Variants in RORA observed in about 807,000 individuals in gnomAD.
The protein encoded by RORA is nuclear receptor ROR-alpha.
A neutral mutation model predicts 69.5 loss-of-function variants in RORA; 7 were observed. The observed-to-expected ratio is 0.10, with a 90% CI of 0.06 to 0.19. RORA has a LOEUF of 0.19. RORA is among the 10% of genes least tolerant of loss of function. The pLI is 1.00. For missense variants in RORA, 457 were observed against 663.0 expected (o/e 0.69, Z 3.41); for synonymous variants, 261 against 240.8 (o/e 1.08, Z -0.78).
intron 2 of RORA, among the ~76,000 whole-genome samples, chr15:60,562,611 ATTTT>A (rs34301774): frequency 7.3e-6 from 1 of 137,486 alleles, no homozygotes; most frequent in Non-Finnish European, 1.6e-5. Flanking sequence ...AACTTTCTGT[ATTTT>A]TTTTTTTTTT....
chr15:60,852,138 T>C (rs1315581557), intron 1 of RORA, among the ~76,000 whole-genome samples: 1 of 152,154 alleles, frequency 6.6e-6, no homozygotes, highest in African/African-American at 2.4e-5. Context: ...CCTGTCCCTA[T>C]GTGATTCAGC....
At chr15:60,722,770 A>G (rs2071310050) in intron 1 of RORA, among the ~76,000 whole-genome samples, 1 of 152,216 alleles carries the variant, frequency 6.6e-6, no homozygotes, top group Non-Finnish European at 1.5e-5. Flanking sequence ...GAGGACCACA[A>G]CCTTGGCCAG....
At chr15:61,099,666 T>C (rs993892795) in intron 1 of RORA, among the ~76,000 whole-genome samples, 4 of 152,230 alleles carry the variant, frequency 2.6e-5, no homozygotes, top group Non-Finnish European at 4.4e-5. Flanking sequence ...TTGTGTACCA[T>C]GTTCAGCTCT....
At chr15:61,135,597 A>AAG (rs1159444664) in intron 1 of RORA, among the ~76,000 whole-genome samples, 1 of 151,034 alleles carries the variant, frequency 6.6e-6, no homozygotes, top group Non-Finnish European at 1.5e-5. Context: ...AAAAAAAAAA[A>AAG]ACCACAACTA....
At chr15:61,104,317 T>G (rs2078921370) in intron 1 of RORA, among the ~76,000 whole-genome samples, 1 of 152,214 alleles carries the variant, frequency 6.6e-6, no homozygotes, top group Non-Finnish European at 1.5e-5. Context: ...GCCGGTAGGC[T>G]CTGTCAGTTT....
chr15:60,947,705 A>AAAAAAAAAAAAAAAAC (rs1892938062), intron 1 of RORA, among the ~76,000 whole-genome samples: 1 of 151,334 alleles, frequency 6.6e-6, no homozygotes, highest in Non-Finnish European at 1.5e-5. Context: ...AAAAAAAAAA[A>AAAAAAAAAAAAAAAAC]AAAAAATGAA....
At chr15:61,014,944 T>A (rs1191738912) in intron 1 of RORA, among the ~76,000 whole-genome samples, 1 of 152,242 alleles carries the variant, frequency 6.6e-6, no homozygotes. Flanking sequence ...AGATATTTTA[T>A]CTGCTAAAAC....
At chr15:60,992,732 G>T (rs1043981098) in intron 1 of RORA, among the ~76,000 whole-genome samples, 1 of 152,166 alleles carries the variant, frequency 6.6e-6, no homozygotes, top group African/African-American at 2.4e-5. Flanking sequence ...ACAAGAGAAG[G>T]ATGTATATCT....
chr15:61,105,061 C>T lies in RORA; in HGVS notation c.166+123992G>A, dbSNP rs1315630762. On this transcript the variant is annotated intron_variant, in intron 1 of 10. Transcript: ENST00000335670. The stretch of plus-strand genomic sequence containing the variant: ...AAACCTCTTTTTCTTTATAAATTAC[C>T]CAGTCTTGGGTATGTCTTTGTCAGC... Among the ~76,000 whole-genome samples the T allele has an allele frequency of 2.7e-5, 4 of 149,714 alleles. No homozygotes were observed. In the East Asian group the frequency reaches 5.9e-4, roughly 22 times the overall value.
At chr15:60,509,999 C>G (rs1172744778) in intron 5 of RORA, among the ~76,000 whole-genome samples, 1 of 152,074 alleles carries the variant, frequency 6.6e-6, no homozygotes, top group African/African-American at 2.4e-5. Flanking sequence ...TCAATTTGTT[C>G]TATTTGGAGA....
At chr15:60,963,291 G>T (rs900703398) in intron 1 of RORA, among the ~76,000 whole-genome samples, 1 of 152,242 alleles carries the variant, frequency 6.6e-6, no homozygotes. Flanking sequence ...AGAATGTGCA[G>T]ATGGTGCAGG....
chr15:61,182,120 G>C (rs2079692546), intron 1 of RORA, among the ~76,000 whole-genome samples: 1 of 152,114 alleles, frequency 6.6e-6, no homozygotes, highest in African/African-American at 2.4e-5. Flanking sequence ...TTGTAACTCA[G>C]TTTTCCTTAT....
intron 1 of RORA, among the ~76,000 whole-genome samples, chr15:61,177,434 A>G (rs2079639716): frequency 6.6e-6 from 1 of 152,214 alleles, no homozygotes; most frequent in Admixed American, 6.5e-5. Context: ...TTTATAAATC[A>G]CTGTATTATT....
intron 2 of RORA, among the ~76,000 whole-genome samples, chr15:60,629,270 T>A (rs2069676681): frequency 7.0e-6 from 1 of 142,938 alleles, no homozygotes; most frequent in Non-Finnish European, 1.5e-5. Context: ...CACTGCAACC[T>A]CCGCCTCCTG....
At chr15:61,107,683 G>A (rs908226944) in intron 1 of RORA, among the ~76,000 whole-genome samples, 5 of 151,718 alleles carry the variant, frequency 3.3e-5, no homozygotes, top group South Asian at 4.2e-4. Flanking sequence ...GCTGGTCATG[G>A]TCTCATTACC....
At chr15:61,048,644 G>C (rs1194120331) in intron 1 of RORA, among the ~76,000 whole-genome samples, 1 of 152,210 alleles carries the variant, frequency 6.6e-6, no homozygotes, top group Non-Finnish European at 1.5e-5. Context: ...TGCAGTTGTA[G>C]AAATGTCATA....
At chr15:61,187,156 A>G (rs994382703) in intron 1 of RORA, among the ~76,000 whole-genome samples, 2 of 152,262 alleles carry the variant, frequency 1.3e-5, no homozygotes, top group African/African-American at 4.8e-5. Context: ...ACTATTCCAC[A>G]TCGAGCCAGC....
At chr15:61,138,611 G>A (rs2079266874) in intron 1 of RORA, among the ~76,000 whole-genome samples, 1 of 152,018 alleles carries the variant, frequency 6.6e-6, no homozygotes, top group African/African-American at 2.4e-5. Flanking sequence ...CTACCCCTCA[G>A]CAAAAAGCTT....
intron 1 of RORA, among the ~76,000 whole-genome samples, chr15:60,908,039 C>T (rs916562386): frequency 3.3e-5 from 5 of 152,154 alleles, no homozygotes; most frequent in African/African-American, 4.8e-5. Flanking sequence ...CGGAACGTCC[C>T]GCCTCCACCC....
Sources: gnomAD v4.1 joint callset for allele counts (sites outside exome capture counted in the v4.1 genomes callset) on GRCh38, gnomAD v4.1.1 for gene constraint, MANE v1.5 for transcripts, NCBI Gene and HGNC (gene_info 2026-07-23, HGNC 2026-07-21) for gene names.